GMEB1: variants seen among roughly 807,000 people sequenced by gnomAD.
GMEB1 encodes glucocorticoid modulatory element-binding protein 1.
GMEB1 carries 6 observed loss-of-function variants against 52.4 expected under a neutral mutation model. The observed-to-expected ratio is 0.11, with a 90% CI of 0.06 to 0.23. The LOEUF (loss-of-function observed/expected upper bound fraction) is 0.23, where lower values mean the gene tolerates loss of function less well. Ranked by LOEUF, GMEB1 falls within the 10% of genes least tolerant of loss-of-function variation. The probability of loss-of-function intolerance (pLI) is 1.00; values close to 1 mark genes in which losing one functional copy is unlikely to be tolerated. For missense variants in GMEB1, 486 were observed against 685.6 expected, an observed-to-expected ratio of 0.71 and a Z score of 3.25; for synonymous variants, 255 against 244.9, an observed-to-expected ratio of 1.04 and a Z score of -0.38.
chr1:28,696,908 C>T lies in GMEB1; in HGVS notation c.441-19C>T. On this transcript the variant is annotated intron_variant, in intron 5 of 9. Transcript: ENST00000373816. ...TGAAGTATAGGCTGAACTGGTACTT[C>T]TTGTCTCCCTTTGCACAGGAAAATG... 6.3e-7 allele frequency: 1 copy of T among 1,586,834 alleles called. No homozygotes were observed. The highest frequency in any genetic ancestry group is 8.6e-7 in the Non-Finnish European group (1 of 1,162,788).
chr1:28,698,722 G>A (rs1369876075), intron 6 of GMEB1, among the ~76,000 whole-genome samples: 2 of 151,252 alleles, frequency 1.3e-5, no homozygotes, highest in African/African-American at 4.9e-5. Context: ...TTTGGCTCAC[G>A]CCTGTAATCC....
intron 1 of GMEB1, among the ~76,000 whole-genome samples, chr1:28,676,853 A>G (rs1669174757): frequency 6.6e-6 from 1 of 152,158 alleles, no homozygotes; most frequent in Admixed American, 6.6e-5. Context: ...GGAGTTCAAG[A>G]CCAGCCTGGC....
Position 28,714,698 on chromosome 1 carries a change from G to A in GMEB1, c.1617G>A (p.Glu539=), listed in dbSNP as rs868042215. 1.2e-6 allele frequency: 2 copies of A among 1,614,160 alleles called. No individual in the cohort carries two copies. Among genetic ancestry groups the A allele is most frequent in the Middle Eastern group, 1.6e-4 (1 of 6,062 alleles). The change falls in exon 10 of 10, where the codon GAG becomes GAA. Residue 539 remains glutamate, a synonymous_variant. Transcript: ENST00000373816. ...AVILETELRT[E]EKVVAEMEEH... ...TCTTGGAGACAGAGCTGAGGACTGA[G>A]GAGAAAGTTGTGGCTGAGATGGAAG...
At position 28,716,906 on chromosome 1, in the gene GMEB1, G is replaced by T. The variant is rs1671287764; in HGVS notation, c.*2133G>T. 6.6e-6 allele frequency: 1 copy of T among 151,672 alleles called. No individual in the cohort carries two copies. The highest frequency in any genetic ancestry group is 2.1e-4 in the South Asian group (1 of 4,810). The allele number at this position is 151,672 out of a possible 1,614,324, so 9.4% of individuals were successfully genotyped here. ...TTGATTGCATTGTTTACTGCACTAG[G>T]AAAAATATAGAGATACAGGGAAACT... On this transcript the variant is annotated 3_prime_UTR_variant, in exon 10 of 10. Transcript: ENST00000373816.
intron 1 of GMEB1, among the ~76,000 whole-genome samples, chr1:28,670,153 T>TTTTATTTA (rs71027286): frequency 5.8e-4 from 88 of 150,822 alleles, no homozygotes; most frequent in East Asian, 3.6e-3. Context: ...TGGGGACCCT[T>TTTTATTTA]TTTATTTATT....
At chr1:28,689,055 A>G (rs762575124) in intron 2 of GMEB1, among the ~76,000 whole-genome samples, 1 of 151,392 alleles carries the variant, frequency 6.6e-6, no homozygotes, top group South Asian at 2.1e-4. Flanking sequence ...ATGCCTGACT[A>G]ATTTTTGTAT....
chr1:28,685,725 C>T (rs1669609348), intron 2 of GMEB1, among the ~76,000 whole-genome samples: 1 of 152,052 alleles, frequency 6.6e-6, no homozygotes, highest in African/African-American at 2.4e-5. Context: ...CTTTGGGAGG[C>T]CGAGGTGGGC....
intron 9 of GMEB1, 145 bp downstream of exon 9, chr1:28,710,787 A>G (rs1671023368): frequency 2.2e-6 from 1 of 461,060 alleles, no homozygotes; most frequent in South Asian, 5.8e-5. Flanking sequence ...AAAGCCGCAG[A>G]TGAGGTGGAT....
Position 28,690,213 on chromosome 1 carries a change from T to TTG in GMEB1, c.211+28_211+29insGT, listed in dbSNP as rs1557506754. ...TAAGGGTTTTTTTGTGTTTTTTTTTTTTTTTTTTTTTGTCATTCTAATACC... is the reference window on the plus strand; with the variant it reads ...TAAGGGTTTTTTTGTGTTTTTTTTTTTGTTTTTTTTTTTGTCATTCTAATACC... On this transcript the variant is annotated intron_variant, in intron 3 of 9. Coordinates refer to ENST00000373816, the MANE Select transcript of GMEB1 (RefSeq NM_001319674.2). The TTG allele has an allele frequency of 1.7e-5, 18 of 1,078,674 alleles. No homozygotes were observed. In the Admixed American group the frequency reaches 2.8e-4, roughly 17 times the overall value. The allele number at this position is 1,078,674 out of a possible 1,614,324, so 66.8% of individuals were successfully genotyped here.
chr1:28,714,647 T>A lies in GMEB1; in HGVS notation c.1566T>A (p.Ala522=). 2 of 1,614,078 alleles carry A rather than the reference T, an allele frequency of 1.2e-6. No individual in the cohort carries two copies. The change falls in exon 10 of 10, where the codon GCT becomes GCA. Residue 522 remains alanine, a synonymous_variant. Coordinates refer to ENST00000373816, the MANE Select transcript of GMEB1 (RefSeq NM_001319674.2). ...IEIDPAPDPE[A]EDTEGKAVIL... ...TTGATCCAGCCCCGGACCCAGAAGCTGAAGATACTGAGGGCAAAGCAGTCA... is the reference window on the plus strand; with the variant it reads ...TTGATCCAGCCCCGGACCCAGAAGCAGAAGATACTGAGGGCAAAGCAGTCA...
chr1:28,696,469 A>G (rs1452119596), intron 5 of GMEB1, among the ~76,000 whole-genome samples: 4 of 152,178 alleles, frequency 2.6e-5, no homozygotes, highest in African/African-American at 9.7e-5. Flanking sequence ...GAGTCAGGAT[A>G]CTAAAAAATC....
intron 2 of GMEB1, among the ~76,000 whole-genome samples, chr1:28,688,760 T>C (rs1435249238): frequency 2.0e-5 from 3 of 147,192 alleles, no homozygotes; most frequent in African/African-American, 7.6e-5. Context: ...GCAAGGGACA[T>C]CAGCTTTTTA....
intron 9 of GMEB1, 127 bp downstream of exon 9, chr1:28,710,769 TA>T (rs3214953): frequency 0.013 from 5,907 of 448,198 alleles, no homozygotes; most frequent in East Asian, 0.019. Context: ...CTTTTAAAAA[TA>T]AAAAAAAAAG....
At chr1:28,677,323 T>C (rs1376113368) in intron 1 of GMEB1, among the ~76,000 whole-genome samples, 1 of 151,816 alleles carries the variant, frequency 6.6e-6, no homozygotes, top group Non-Finnish European at 1.5e-5. Context: ...AGTGGCACGA[T>C]CTCAGCTGGG....
intron 6 of GMEB1, among the ~76,000 whole-genome samples, chr1:28,701,429 C>T (rs537078236): frequency 2.0e-5 from 3 of 151,994 alleles, no homozygotes; most frequent in African/African-American, 7.2e-5. Context: ...GCCAGCACAC[C>T]CGGCTAATTT....
chr1:28,689,845 G>A (rs1669870551), intron 2 of GMEB1: 1 of 345,720 alleles, frequency 2.9e-6, no homozygotes, highest in Non-Finnish European at 5.2e-6. Flanking sequence ...GTAGCAAGTG[G>A]TGGTATAAAT....
In GMEB1 at chr1:28,690,193, G is replaced by GTTT. The variant is rs770004132; in HGVS notation, c.211+12_211+14dup. On this transcript the variant is annotated splice_region_variant and intron_variant, in intron 3 of 9. Coordinates refer to ENST00000373816, the MANE Select transcript of GMEB1 (RefSeq NM_001319674.2). ...AAAATTGAAGAAGGGATTGGTAAGG[G>GTTT]TTTTTTTGTGTTTTTTTTTTTTTTT... The GTTT allele has an allele frequency of 7.6e-6, 6 of 785,390 alleles. No individual in the cohort carries two copies. Among genetic ancestry groups the GTTT allele is most frequent in the Non-Finnish European group, 9.6e-6 (5 of 521,848 alleles). The allele number at this position is 785,390 out of a possible 1,614,324, so 48.7% of individuals were successfully genotyped here.
intron 2 of GMEB1, among the ~76,000 whole-genome samples, chr1:28,684,047 A>C (rs1428241583): frequency 6.6e-6 from 1 of 152,054 alleles, no homozygotes; most frequent in Non-Finnish European, 1.5e-5. Flanking sequence ...TCTGTCACCT[A>C]GGCTGGAATG....
chr1:28,697,159 G>GTACATATATATATATATA, intron 6 of GMEB1, 75 bp downstream of exon 6: 1 of 189,898 alleles, frequency 5.3e-6, no homozygotes, highest in South Asian at 6.4e-5. Context: ...TCCCTTGTGT[G>GTACATATATATATATATA]TACATATATA....
Sources: allele counts gnomAD v4.1 joint callset (sites outside exome capture counted in the v4.1 genomes callset), GRCh38; gene constraint gnomAD v4.1.1; transcripts MANE v1.5; gene names NCBI Gene and HGNC (gene_info 2026-07-23, HGNC 2026-07-21).